Variants in SYT9 observed in about 807,000 individuals in gnomAD.
SYT9 encodes the protein synaptotagmin-9.
Under a neutral mutation model 48.4 loss-of-function variants are expected in SYT9, and 22 were observed. That is an observed-to-expected ratio of 0.45 (90% CI 0.32 to 0.65). SYT9 has a LOEUF of 0.65. Among genes scored for constraint, SYT9 ranks in the 30% least tolerant of loss-of-function variants. The pLI is 0.03. For synonymous variants in SYT9, 265 were observed against 245.0 expected (o/e 1.08, Z -0.76); for missense variants, 577 against 622.0 (o/e 0.93, Z 0.77).
At chr11:7,286,554 C>T (rs963870444) in intron 1 of SYT9, among the ~76,000 whole-genome samples, 8 of 152,228 alleles carry the variant, frequency 5.3e-5, no homozygotes, top group South Asian at 4.1e-4. Context: ...TTGTTACTTA[C>T]GCAAATTTCT....
At chr11:7,291,380 T>G (rs1848694202) in intron 1 of SYT9, among the ~76,000 whole-genome samples, 1 of 152,230 alleles carries the variant, frequency 6.6e-6, no homozygotes, top group African/African-American at 2.4e-5. Context: ...GCAGCACATA[T>G]AAATGCTGTG....
intron 1 of SYT9, among the ~76,000 whole-genome samples, chr11:7,290,239 G>A (rs997947406): frequency 3.9e-5 from 6 of 152,172 alleles, no homozygotes; most frequent in Admixed American, 2.0e-4. Context: ...TTTCTCAGGA[G>A]AGACTCTTTT....
At chr11:7,430,299 G>T (rs1847546723) in intron 6 of SYT9, among the ~76,000 whole-genome samples, 1 of 151,922 alleles carries the variant, frequency 6.6e-6, no homozygotes, top group Non-Finnish European at 1.5e-5. Context: ...AAGAAAAGAG[G>T]GTTTCTATAA....
intron 6 of SYT9, among the ~76,000 whole-genome samples, chr11:7,466,504 C>T (rs1848337536): frequency 6.6e-6 from 1 of 152,086 alleles, no homozygotes; most frequent in South Asian, 2.1e-4. Flanking sequence ...AGGCAGATCA[C>T]AAGGTCAGGA....
chr11:7,442,275 G>A (rs1420977834), intron 6 of SYT9, among the ~76,000 whole-genome samples: 3 of 152,160 alleles, frequency 2.0e-5, no homozygotes, highest in African/African-American at 2.4e-5. Context: ...GGTGGGACTC[G>A]AAGAGGGGCT....
At chr11:7,240,700 T>A (rs1371490372) in intron 1 of SYT9, among the ~76,000 whole-genome samples, 1 of 152,248 alleles carries the variant, frequency 6.6e-6, no homozygotes, top group Non-Finnish European at 1.5e-5. Context: ...TGAGCTTTTT[T>A]ATATCTTAAA....
intron 3 of SYT9, among the ~76,000 whole-genome samples, chr11:7,387,309 A>T (rs961510082): frequency 1.3e-5 from 2 of 151,478 alleles, no homozygotes; most frequent in Non-Finnish European, 3.0e-5. Context: ...AAAGTATAAT[A>T]AAAAAAAAGA....
intron 1 of SYT9, among the ~76,000 whole-genome samples, chr11:7,257,014 A>T (rs1250685350): frequency 6.6e-6 from 1 of 152,196 alleles, no homozygotes; most frequent in East Asian, 1.9e-4. Context: ...AGCAACAACA[A>T]AAACTACCAA....
At chr11:7,284,413 G>T (rs1848559308) in intron 1 of SYT9, among the ~76,000 whole-genome samples, 1 of 151,960 alleles carries the variant, frequency 6.6e-6, no homozygotes, top group African/African-American at 2.4e-5. Flanking sequence ...GAGAAACATG[G>T]TATGTAAATG....
At chr11:7,338,266 G>A (rs115648439) in intron 3 of SYT9, among the ~76,000 whole-genome samples, 2,406 of 152,076 alleles carry the variant, frequency 0.016, 61 homozygotes, top group African/African-American at 0.056. Context: ...TCTAACTAGT[G>A]ACCTATCTAT....
chr11:7,429,714 G>A (rs998621893), intron 6 of SYT9, among the ~76,000 whole-genome samples: 4 of 152,002 alleles, frequency 2.6e-5, no homozygotes, highest in African/African-American at 4.8e-5. Flanking sequence ...GGCTCACTGC[G>A]GTATGTCCAA....
At chr11:7,257,882 G>C (rs1848004055) in intron 1 of SYT9, among the ~76,000 whole-genome samples, 1 of 152,152 alleles carries the variant, frequency 6.6e-6, no homozygotes, top group African/African-American at 2.4e-5. Flanking sequence ...TAGTCATGAG[G>C]TAATTATCAA....
At chr11:7,334,636 C>CGCTGCCACCCAT (rs1237050105) in intron 3 of SYT9, among the ~76,000 whole-genome samples, 1 of 151,936 alleles carries the variant, frequency 6.6e-6, no homozygotes, top group Non-Finnish European at 1.5e-5. Flanking sequence ...TGCCTCCACT[C>CGCTGCCACCCAT]CCTGCCACCC....
chr11:7,253,239 T>G (rs1052341677), intron 1 of SYT9, among the ~76,000 whole-genome samples: 1 of 152,214 alleles, frequency 6.6e-6, no homozygotes, highest in African/African-American at 2.4e-5. Context: ...GAGAAATAGT[T>G]TTCTCGAATA....
chr11:7,466,653 G>A (rs531585295), intron 6 of SYT9, 139 bp from the exon 7 acceptor site: 44 of 731,612 alleles, frequency 6.0e-5, no homozygotes, highest in East Asian at 2.6e-4. Flanking sequence ...CCCAGGAGGC[G>A]GAGGTTGCAG....
At chr11:7,452,118 A>AACACACACACACACACACACACACAC (rs142000557) in intron 6 of SYT9, among the ~76,000 whole-genome samples, 2 of 147,544 alleles carry the variant, frequency 1.4e-5, no homozygotes, top group African/African-American at 5.1e-5. Context: ...TTATATTTAA[A>AACACACACACACACACACACACACAC]ACACACACAC....
intron 2 of SYT9, among the ~76,000 whole-genome samples, chr11:7,311,140 T>C (rs943420810): frequency 6.6e-6 from 1 of 152,010 alleles, no homozygotes; most frequent in African/African-American, 2.4e-5. Flanking sequence ...CTGTCTCTAC[T>C]AAAAATACAA....
chr11:7,248,859 G>C (rs889143010), upstream of SYT9, among the ~76,000 whole-genome samples: 3 of 152,012 alleles, frequency 2.0e-5, no homozygotes. Flanking sequence ...AACCAAAAAA[G>C]AGCCCACATA....
chr11:7,362,949 C>CTTT lies in SYT9; in HGVS notation c.1044+49034_1044+49036dup, dbSNP rs35065184. On this transcript the variant is annotated intron_variant, in intron 3 of 6. Transcript: ENST00000318881. ...ATCTTTCTTCTTGCCATTTATTGGC[C>CTTT]TTTTTTTTTTTTTTTTTTTTTTTTT... Among the ~76,000 whole-genome samples the CTTT allele has an allele frequency of 1.2e-3, 22 of 17,916 alleles. 4 individuals carry two copies. Among genetic ancestry groups the CTTT allele is most frequent in the African/African-American group, 2.5e-3 (14 of 5,588 alleles). The allele number at this position is 17,916 out of a possible 152,430, so 11.8% of individuals were successfully genotyped here. A position where few individuals can be genotyped will look rare whatever the true frequency, so the allele number is the denominator to read the frequency against.
Sources: gnomAD v4.1 joint callset for allele counts (sites outside exome capture counted in the v4.1 genomes callset) on GRCh38, gnomAD v4.1.1 for gene constraint, MANE v1.5 for transcripts, NCBI Gene and HGNC (gene_info 2026-07-23, HGNC 2026-07-21) for gene names.